PAG1: variants seen among roughly 807,000 people sequenced by gnomAD.
PAG1 encodes phosphoprotein membrane anchor with glycosphingolipid microdomains 1.
A neutral mutation model predicts 31.7 loss-of-function variants in PAG1; 23 were observed. The ratio of observed to expected loss-of-function variants is 0.73; its 90% CI spans 0.52 to 1.03. PAG1 has a LOEUF of 1.03. Ranked by LOEUF, PAG1 falls within the 50% of genes least tolerant of loss-of-function variation. The pLI is 0.00. For missense variants in PAG1, 473 were observed against 540.7 expected (o/e 0.87, Z 1.24); for synonymous variants, 214 against 210.3 (o/e 1.02, Z -0.15).
Position 81,111,692 on chromosome 8 carries a change from A to G in PAG1, c.-335T>C, listed in dbSNP as rs1458585991. The G allele has an allele frequency of 1.3e-5, 2 of 152,364 alleles. No homozygotes were observed. The highest frequency in any genetic ancestry group is 4.8e-5 in the African/African-American group (2 of 41,470). The allele number at this position is 152,364 out of a possible 1,614,324, so 9.4% of individuals were successfully genotyped here. A position where few individuals can be genotyped will look rare whatever the true frequency, so the allele number is the denominator to read the frequency against. On this transcript the variant is annotated 5_prime_UTR_variant, in exon 1 of 9. Transcript: ENST00000220597. ...CGCCGCCCCGGCACAGCCCGGCAGC[A>G]GCGGCAAGTGCAGGACCAGGCGCCG...
intron 1 of PAG1, among the ~76,000 whole-genome samples, chr8:81,099,203 G>C (rs946486671): frequency 2.6e-5 from 4 of 152,190 alleles, no homozygotes; most frequent in Admixed American, 6.5e-5. Context: ...GGCCCCAAAG[G>C]GTTTGGCTAA....
At chr8:81,106,138 C>T (rs1223878160) in intron 1 of PAG1, among the ~76,000 whole-genome samples, 3 of 152,078 alleles carry the variant, frequency 2.0e-5, no homozygotes, top group East Asian at 1.9e-4. Flanking sequence ...CTTTGCCTCC[C>T]GGGTTCAGGT....
intron 2 of PAG1, among the ~76,000 whole-genome samples, chr8:81,033,295 T>C (rs764000817): frequency 3.7e-4 from 57 of 152,222 alleles, no homozygotes; most frequent in Non-Finnish European, 6.0e-4. Context: ...CCTAGCTCCA[T>C]TGCAAACTAT....
chr8:81,015,899 T>C (rs1338960111), intron 3 of PAG1, among the ~76,000 whole-genome samples: 1 of 152,194 alleles, frequency 6.6e-6, no homozygotes, highest in Admixed American at 6.5e-5. Context: ...CTTTAGCTCA[T>C]GGAGCTCATT....
In PAG1 at chr8:81,091,846, A is replaced by G. The variant is rs182774877; in HGVS notation, c.-234+19745T>C. Among the ~76,000 whole-genome samples the G allele has an allele frequency of 5.7e-3, 867 of 151,942 alleles. 6 individuals are homozygous for G. The highest frequency in any genetic ancestry group is 0.01 in the Non-Finnish European group (695 of 67,918). On this transcript the variant is annotated intron_variant, in intron 1 of 8. Transcript: ENST00000220597. ...GAAAGAAGAAGAAGAAGAAGAAGAA[A>G]AAAAAACACCCTGTCCAGGTGCAGT...
At chr8:81,065,394 T>C (rs75582834) in intron 2 of PAG1, among the ~76,000 whole-genome samples, 3,647 of 152,232 alleles carry the variant, frequency 0.024, 144 homozygotes, top group African/African-American at 0.083. Flanking sequence ...TGGAAGTCTA[T>C]GGAAATCAAG....
intron 2 of PAG1, among the ~76,000 whole-genome samples, chr8:81,033,276 A>G (rs1342762878): frequency 1.3e-5 from 2 of 152,350 alleles, no homozygotes; most frequent in African/African-American, 4.8e-5. Context: ...TGTTACACTA[A>G]GCAGATAACC....
At chr8:81,030,884 G>A (rs141435205) in intron 2 of PAG1, among the ~76,000 whole-genome samples, 250 of 152,306 alleles carry the variant, frequency 1.6e-3, no homozygotes, top group Non-Finnish European at 2.2e-3. Flanking sequence ...GGAGAGGGAC[G>A]GAATGAATGA....
intron 2 of PAG1, among the ~76,000 whole-genome samples, chr8:81,048,796 G>A (rs913050580): frequency 1.3e-5 from 2 of 152,132 alleles, no homozygotes; most frequent in African/African-American, 2.4e-5. Context: ...TTGTGAGATT[G>A]TGTCCCATCT....
chr8:81,053,741 G>A (rs1808769735), intron 2 of PAG1, among the ~76,000 whole-genome samples: 1 of 152,158 alleles, frequency 6.6e-6, no homozygotes, highest in African/African-American at 2.4e-5. Flanking sequence ...ATTTCAGGGT[G>A]GGAAATGGAC....
intron 1 of PAG1, among the ~76,000 whole-genome samples, chr8:81,085,108 G>A (rs1459776758): frequency 6.6e-6 from 1 of 152,144 alleles, no homozygotes; most frequent in African/African-American, 2.4e-5. Context: ...CCTTTACTTG[G>A]AATAGTTCTT....
chr8:81,077,017 A>G (rs912177649), intron 1 of PAG1, among the ~76,000 whole-genome samples: 1 of 152,276 alleles, frequency 6.6e-6, no homozygotes, highest in Non-Finnish European at 1.5e-5. Context: ...CTTTTCTAAA[A>G]TGTCAGCTGA....
At chr8:80,988,350 T>C (rs934165317) in intron 5 of PAG1, among the ~76,000 whole-genome samples, 3 of 152,220 alleles carry the variant, frequency 2.0e-5, no homozygotes, top group Non-Finnish European at 4.4e-5. Flanking sequence ...TGGTCAGAGA[T>C]AGATAAGGCT....
chr8:81,032,682 CAG>C (rs1317819277), intron 2 of PAG1, among the ~76,000 whole-genome samples: 11 of 152,162 alleles, frequency 7.2e-5, no homozygotes, highest in African/African-American at 2.2e-4. Context: ...GAATGTTAAA[CAG>C]AGAGTTACCA....
chr8:81,021,556 G>C (rs1328216701), intron 3 of PAG1, among the ~76,000 whole-genome samples: 8 of 149,484 alleles, frequency 5.4e-5, no homozygotes, highest in African/African-American at 9.9e-5. Flanking sequence ...GTGTTTGTGT[G>C]TGTGTGTGAT....
intron 6 of PAG1, 54 bp from the exon 7 acceptor site, chr8:80,985,431 T>C: frequency 6.6e-7 from 1 of 1,523,562 alleles, no homozygotes; most frequent in Admixed American, 2.1e-5. Context: ...CAATAATTAT[T>C]ACCGAGAATC....
chr8:81,069,315 C>T (rs1024027419), intron 2 of PAG1, among the ~76,000 whole-genome samples: 1 of 152,162 alleles, frequency 6.6e-6, no homozygotes, highest in African/African-American at 2.4e-5. Flanking sequence ...AAAACTTAGA[C>T]CAGATGAATT....
At chr8:81,002,238 TAAAAA>T (rs970941658) in intron 3 of PAG1, among the ~76,000 whole-genome samples, 1 of 150,942 alleles carries the variant, frequency 6.6e-6, no homozygotes, top group Non-Finnish European at 1.5e-5. Context: ...ATAAAAGACT[TAAAAA>T]AAAATAAACT....
chr8:81,031,512 C>A (rs1365694949), intron 2 of PAG1, among the ~76,000 whole-genome samples: 2 of 152,206 alleles, frequency 1.3e-5, no homozygotes, highest in African/African-American at 4.8e-5. Flanking sequence ...TTCTTGTCAT[C>A]ATGGTCAATC....
Sources: allele counts gnomAD v4.1 joint callset (sites outside exome capture counted in the v4.1 genomes callset), GRCh38; gene constraint gnomAD v4.1.1; transcripts MANE v1.5; gene names NCBI Gene and HGNC (gene_info 2026-07-23, HGNC 2026-07-21).